NT5DC1: variants seen among roughly 807,000 people sequenced by gnomAD.
NT5DC1 encodes 5'-nucleotidase domain containing 1, also known as 5'-nucleotidase domain-containing protein 1.
Under a neutral mutation model 59.4 loss-of-function variants are expected in NT5DC1, and 42 were observed. The ratio of observed to expected loss-of-function variants is 0.71; its 90% confidence interval spans 0.55 to 0.92. NT5DC1 has a LOEUF of 0.92. Among genes scored for constraint, NT5DC1 ranks in the 40% least tolerant of loss-of-function variants. NT5DC1 has a pLI of 0.00. For missense variants in NT5DC1, 501 were observed against 537.1 expected, an observed-to-expected ratio of 0.93 and a Z score of 0.66; for synonymous variants, 172 against 188.1, an observed-to-expected ratio of 0.91 and a Z score of 0.70.
chr6:116,101,304 A>T (rs1778646125), intron 1 of NT5DC1, among the ~76,000 whole-genome samples: 1 of 152,116 alleles, frequency 6.6e-6, no homozygotes, highest in Non-Finnish European at 1.5e-5. Context: ...CGGGCTGGGG[A>T]ATCGGTGATT....
chr6:116,171,123 T>C (rs1188090065), intron 6 of NT5DC1, among the ~76,000 whole-genome samples: 1 of 152,140 alleles, frequency 6.6e-6, no homozygotes, highest in Non-Finnish European at 1.5e-5. Flanking sequence ...ACTTGATCCA[T>C]AGTAGGTGTT....
At chr6:116,180,888 A>G (rs925709682) in intron 6 of NT5DC1, among the ~76,000 whole-genome samples, 1 of 152,052 alleles carries the variant, frequency 6.6e-6, no homozygotes, top group Non-Finnish European at 1.5e-5. Flanking sequence ...AACCAAACCA[A>G]TTTTTAAAAA....
intron 6 of NT5DC1, among the ~76,000 whole-genome samples, chr6:116,200,470 T>C (rs1268360820): frequency 1.3e-5 from 2 of 152,066 alleles, no homozygotes; most frequent in Non-Finnish European, 2.9e-5. Context: ...AAGATATTGA[T>C]AGGGAAATTG....
rs371337050 is a variant in NT5DC1, at chr6:116,212,848, G to A, written c.530-8206G>A. On this transcript the variant is annotated intron_variant, in intron 6 of 11. Transcript: ENST00000319550. ...TATGTAGAATTTGCTTTAAATACTT[G>A]TTAATTTTGGATTTCTTTAAACTGT... 6.6e-5 allele frequency among the ~76,000 whole-genome samples: 10 copies of A among 152,136 alleles called. No individual in the cohort carries two copies. The East Asian group carries it at 1.5e-3, about 24-fold the overall frequency.
chr6:116,180,489 A>C (rs1780852077), intron 6 of NT5DC1, among the ~76,000 whole-genome samples: 1 of 152,120 alleles, frequency 6.6e-6, no homozygotes, highest in African/African-American at 2.4e-5. Flanking sequence ...GCTAAAACTT[A>C]AGTGAAACTT....
chr6:116,186,158 T>C (rs1008114515), intron 6 of NT5DC1, among the ~76,000 whole-genome samples: 1 of 151,816 alleles, frequency 6.6e-6, no homozygotes, highest in Non-Finnish European at 1.5e-5. Flanking sequence ...AAAATTCTTA[T>C]ATGATAATTA....
At chr6:116,240,766 TAGAATGATAGCTTTAAATTGCTGAA>T (rs1210617474) in intron 11 of NT5DC1, among the ~76,000 whole-genome samples, 24 of 152,258 alleles carry the variant, frequency 1.6e-4, no homozygotes, top group Non-Finnish European at 2.8e-4. Flanking sequence ...TCAAAGACAA[TAGAATGATAGCTTTAAATTGCTGAA>T]AGAAAATGAT....
chr6:116,167,659 T>G (rs905513746), intron 6 of NT5DC1, among the ~76,000 whole-genome samples: 3 of 152,212 alleles, frequency 2.0e-5, no homozygotes, highest in Non-Finnish European at 4.4e-5. Context: ...TCGTTAGTTT[T>G]TAATTTGTTT....
At chr6:116,241,114 A>C (rs1220256986) in intron 11 of NT5DC1, among the ~76,000 whole-genome samples, 1 of 150,500 alleles carries the variant, frequency 6.6e-6, no homozygotes, top group Non-Finnish European at 1.5e-5. Context: ...ACTGCACTCC[A>C]GCCTGGGTAA....
At chr6:116,169,045 C>T (rs750441973) in intron 6 of NT5DC1, among the ~76,000 whole-genome samples, 3 of 152,176 alleles carry the variant, frequency 2.0e-5, no homozygotes, top group Non-Finnish European at 4.4e-5. Flanking sequence ...CACTGGCCTC[C>T]ATTTTTTGTC....
intron 6 of NT5DC1, among the ~76,000 whole-genome samples, chr6:116,213,897 A>G (rs1269584887): frequency 6.6e-6 from 1 of 151,814 alleles, no homozygotes; most frequent in African/African-American, 2.4e-5. Context: ...TGGATACTTT[A>G]CCCACACTAC....
intron 6 of NT5DC1, chr6:116,158,673 C>T (rs1299738073): frequency 2.0e-5 from 3 of 152,200 alleles, no homozygotes; most frequent in South Asian, 2.1e-4. Context: ...AAAGTCACTA[C>T]TTTGTCATCC....
chr6:116,182,237 G>GTGTGTGTGTGTGTA (rs1780898478), intron 6 of NT5DC1, among the ~76,000 whole-genome samples: 1 of 151,582 alleles, frequency 6.6e-6, no homozygotes, highest in Admixed American at 6.6e-5. Flanking sequence ...GTGTGTGTGT[G>GTGTGTGTGTGTGTA]TGTGTGTGTG....
Position 116,220,122 on chromosome 6 carries a change from C to CTTTTTTTTTTTTTTTT in NT5DC1, c.530-924_530-909dup, listed in dbSNP as rs60827021. On this transcript the variant is annotated intron_variant, in intron 6 of 11. Coordinates refer to ENST00000319550, the MANE Select transcript of NT5DC1 (RefSeq NM_152729.3). The stretch of plus-strand genomic sequence containing the variant: ...TATCATTCAGTACAAGCTGTTTAAC[C>CTTTTTTTTTTTTTTTT]TTTTTTTTTTTTTTTTTTTTTTTGT... Among the ~76,000 whole-genome samples, 17 of 98,646 alleles carry CTTTTTTTTTTTTTTTT rather than the reference C, an allele frequency of 1.7e-4. 1 individual carries two copies. The highest frequency in any genetic ancestry group is 6.9e-4 in the African/African-American group (16 of 23,048). The allele number at this position is 98,646 out of a possible 152,430, so 64.7% of individuals were successfully genotyped here. A position where few individuals can be genotyped will look rare whatever the true frequency, so the allele number is the denominator to read the frequency against.
chr6:116,129,113 GAGA>G (rs1036555171), intron 6 of NT5DC1, among the ~76,000 whole-genome samples: 19 of 152,172 alleles, frequency 1.2e-4, no homozygotes, highest in African/African-American at 4.6e-4. Flanking sequence ...TTTTCCAGAA[GAGA>G]AGGAGTCTTT....
intron 6 of NT5DC1, among the ~76,000 whole-genome samples, chr6:116,151,514 C>A (rs958096287): frequency 6.6e-6 from 1 of 152,124 alleles, no homozygotes; most frequent in Non-Finnish European, 1.5e-5. Context: ...TTACATGCTG[C>A]TCCTTGTTTA....
intron 8 of NT5DC1, among the ~76,000 whole-genome samples, chr6:116,229,244 T>A (rs1388454360): frequency 3.9e-5 from 6 of 152,226 alleles, no homozygotes; most frequent in Non-Finnish European, 4.4e-5. Flanking sequence ...CCCTTTTAAG[T>A]TGTCCTTCTG....
intron 6 of NT5DC1, among the ~76,000 whole-genome samples, chr6:116,142,938 G>C (rs572033113): frequency 2.0e-5 from 3 of 152,204 alleles, no homozygotes; most frequent in Non-Finnish European, 2.9e-5. Flanking sequence ...CCAAAAATCT[G>C]GATTAACTAT....
chr6:116,143,698 G>A (rs1056526981), intron 6 of NT5DC1, among the ~76,000 whole-genome samples: 5 of 151,880 alleles, frequency 3.3e-5, no homozygotes, highest in South Asian at 4.2e-4. Context: ...TTGCATTTTG[G>A]GTGTTTGATA....
Sources: gnomAD v4.1 joint callset for allele counts (sites outside exome capture counted in the v4.1 genomes callset) on GRCh38, gnomAD v4.1.1 for gene constraint, MANE v1.5 for transcripts, NCBI Gene and HGNC (gene_info 2026-07-23, HGNC 2026-07-21) for gene names.